Variants in TNIK observed in about 807,000 individuals in gnomAD.
TNIK encodes TRAF2 and NCK interacting kinase.
In TNIK, 49 loss-of-function variants were observed where a neutral mutation model predicts 191.3. The ratio of observed to expected loss-of-function variants is 0.26; its 90% confidence interval spans 0.20 to 0.32. The LOEUF (loss-of-function observed/expected upper bound fraction) is 0.32. Among genes scored for constraint, TNIK ranks in the 10% least tolerant of loss-of-function variants. The pLI is 1.00. For synonymous variants in TNIK, 594 were observed against 600.9 expected (o/e 0.99, Z 0.17); for missense variants, 1,155 against 1,702.3 (o/e 0.68, Z 5.66).
chr3:171,177,513 C>T (rs1736107373), intron 7 of TNIK, 133 bp from the exon 8 acceptor site: 4 of 1,052,534 alleles, frequency 3.8e-6, no homozygotes, highest in South Asian at 1.7e-5. Context: ...CTTCCACTAA[C>T]CTTCAAAGCA....
chr3:171,265,960 C>G (rs1176108881), intron 2 of TNIK, among the ~76,000 whole-genome samples: 1 of 152,178 alleles, frequency 6.6e-6, no homozygotes, highest in African/African-American at 2.4e-5. Flanking sequence ...CATAGCCGGC[C>G]AGGCTGTCAT....
chr3:171,182,069 G>A (rs770002398), intron 7 of TNIK, among the ~76,000 whole-genome samples: 13 of 151,490 alleles, frequency 8.6e-5, no homozygotes, highest in African/African-American at 1.7e-4. Context: ...TCAAACCAAA[G>A]GTCATATCAC....
At position 171,434,464 on chromosome 3, in the gene TNIK, TTTA is replaced by T. The variant is rs869219716; in HGVS notation, c.57+25540_57+25542del. The stretch of plus-strand genomic sequence containing the variant: ...TTTTACTTATTTATTTATTTATTTA[TTTA>T]TTTTTTTTGAGACAAAGTCTTGCTC... On this transcript the variant is annotated intron_variant, in intron 1 of 32. Coordinates refer to ENST00000436636, the MANE Select transcript of TNIK (RefSeq NM_015028.4). 6.1e-3 allele frequency among the ~76,000 whole-genome samples: 909 copies of T among 149,622 alleles called. 7 individuals are homozygous for T. The highest frequency in any genetic ancestry group is 0.014 in the African/African-American group (557 of 39,290).
chr3:171,088,942 TGC>T (rs1451162529), intron 23 of TNIK, among the ~76,000 whole-genome samples: 5 of 152,250 alleles, frequency 3.3e-5, no homozygotes. Flanking sequence ...CAAGGTTTCA[TGC>T]TGTTTCTTTG....
At position 171,066,172 on chromosome 3, in the gene TNIK, T is replaced by C. The variant is rs1328237194; in HGVS notation, c.3999+15A>G. ...TAAAATGCAAACACTAATGCAAATG[T>C]TGAAACGGATTTACCTTATCATTTC... On this transcript the variant is annotated intron_variant, in intron 32 of 32. Coordinates refer to ENST00000436636, the MANE Select transcript of TNIK (RefSeq NM_015028.4). 3.7e-6 allele frequency: 6 copies of C among 1,612,108 alleles called. No individual in the cohort carries two copies. In the South Asian group the frequency reaches 4.4e-5, roughly 12 times the overall value.
chr3:171,338,223 T>C (rs531601762), intron 2 of TNIK, among the ~76,000 whole-genome samples: 1 of 152,266 alleles, frequency 6.6e-6, no homozygotes, highest in Non-Finnish European at 1.5e-5. Flanking sequence ...CATTGCCTCA[T>C]TTCTAAACTG....
At chr3:171,236,733 C>T (rs1017654904) in intron 2 of TNIK, among the ~76,000 whole-genome samples, 88 of 152,206 alleles carry the variant, frequency 5.8e-4, no homozygotes, top group African/African-American at 2.0e-3. Context: ...TGTCTTTCCC[C>T]TCAGGACCTC....
In TNIK at chr3:171,170,547, A is replaced by G. The variant is rs78947659; in HGVS notation, c.774-3277T>C. 1.0e-3 allele frequency among the ~76,000 whole-genome samples: 152 copies of G among 152,306 alleles called. 4 individuals carry two copies. In the East Asian group the frequency reaches 0.024, roughly 25 times the overall value. On this transcript the variant is annotated intron_variant, in intron 9 of 32. Coordinates refer to ENST00000436636, the MANE Select transcript of TNIK (RefSeq NM_015028.4). ...GTCTCAGTTTCCCTGGCTGCATTCA[A>G]TGGGGATATTATTAGTACTTATCTC...
intron 2 of TNIK, among the ~76,000 whole-genome samples, chr3:171,335,502 A>G (rs1756870168): frequency 6.6e-6 from 1 of 152,182 alleles, no homozygotes; most frequent in South Asian, 2.1e-4. Flanking sequence ...CTGAAATGTG[A>G]TATTAATGGG....
intron 5 of TNIK, among the ~76,000 whole-genome samples, chr3:171,192,230 G>T (rs868627445): frequency 6.6e-6 from 1 of 152,178 alleles, no homozygotes. Context: ...GGCATCAGGG[G>T]TTTAAATGTG....
At chr3:171,313,541 G>A (rs889228615) in intron 2 of TNIK, among the ~76,000 whole-genome samples, 4 of 152,092 alleles carry the variant, frequency 2.6e-5, no homozygotes, top group Admixed American at 6.6e-5. Flanking sequence ...GAGTAGTCTT[G>A]CAGGTAAAAA....
At chr3:171,372,034 G>C (rs1335484238) in intron 1 of TNIK, among the ~76,000 whole-genome samples, 3 of 152,170 alleles carry the variant, frequency 2.0e-5, no homozygotes, top group Admixed American at 2.0e-4. Flanking sequence ...GAGGGCAGGA[G>C]CACAAACAGG....
chr3:171,454,109 A>G lies in TNIK; in HGVS notation c.57+5898T>C, dbSNP rs963567776. On this transcript the variant is annotated intron_variant, in intron 1 of 32. Transcript: ENST00000436636. ...GTTCTCAGAGAGCTACTTCCCCCACAGAAATGTAAGAATCAATTTGACATT... is the reference window on the plus strand; with the variant it reads ...GTTCTCAGAGAGCTACTTCCCCCACGGAAATGTAAGAATCAATTTGACATT... Among the ~76,000 whole-genome samples the G allele has an allele frequency of 9.9e-5, 15 of 152,260 alleles. No homozygotes were observed. In the East Asian group the frequency reaches 2.9e-3, roughly 29 times the overall value.
chr3:171,125,837 G>A (rs190264189), intron 17 of TNIK, 75 bp downstream of exon 17: 6 of 1,562,764 alleles, frequency 3.8e-6, no homozygotes, highest in East Asian at 4.7e-5. Flanking sequence ...CCACTACTAC[G>A]AAAGGTCTGG....
chr3:171,211,346 T>C (rs1369810567), intron 3 of TNIK, 105 bp from the exon 4 acceptor site: 2 of 1,309,314 alleles, frequency 1.5e-6, no homozygotes, highest in African/African-American at 3.0e-5. Context: ...TCTTCCTTGT[T>C]GACAAATGAG....
intron 8 of TNIK, 44 bp downstream of exon 8, chr3:171,177,282 A>G: frequency 6.3e-7 from 1 of 1,584,926 alleles, no homozygotes; most frequent in Non-Finnish European, 8.6e-7. Flanking sequence ...CAGTACCTGC[A>G]GAGCAGACCA....
chr3:171,333,589 A>G lies in TNIK; in HGVS notation c.123+36031T>C, dbSNP rs1371811543. 1.8e-3 allele frequency among the ~76,000 whole-genome samples: 262 copies of G among 148,278 alleles called. 1 individual carries two copies. Among genetic ancestry groups the G allele is most frequent in the African/African-American group, 5.7e-3 (217 of 38,380 alleles). On this transcript the variant is annotated intron_variant, in intron 2 of 32. Coordinates refer to ENST00000436636, the MANE Select transcript of TNIK (RefSeq NM_015028.4). ...TCAGATGTCTCAAAAAGAAAGAAAA[A>G]AAAAAAAAAAAAAAACCTACAACAC...
intron 2 of TNIK, among the ~76,000 whole-genome samples, chr3:171,283,576 C>G (rs1010669627): frequency 2.0e-5 from 3 of 152,210 alleles, no homozygotes; most frequent in African/African-American, 7.2e-5. Context: ...CCGTTCCAAC[C>G]TGGCTCCTGC....
chr3:171,071,705 T>C (rs1043285284), intron 28 of TNIK, among the ~76,000 whole-genome samples: 4 of 152,162 alleles, frequency 2.6e-5, no homozygotes, highest in South Asian at 2.1e-4. Context: ...AGAGCAGATA[T>C]GGCAAGATGG....
Sources: gnomAD v4.1 joint callset for allele counts (sites outside exome capture counted in the v4.1 genomes callset) on GRCh38, gnomAD v4.1.1 for gene constraint, MANE v1.5 for transcripts, NCBI Gene and HGNC (gene_info 2026-07-23, HGNC 2026-07-21) for gene names.